Variants in PAM observed in about 807,000 individuals in gnomAD.
The protein encoded by PAM is peptidyl-glycine alpha-amidating monooxygenase.
PAM carries 72 observed loss-of-function variants against 122.1 expected under a neutral mutation model. That is an observed-to-expected ratio of 0.59 (90% confidence interval 0.49 to 0.72). PAM has a LOEUF of 0.72. Among genes scored for constraint, PAM ranks in the 30% least tolerant of loss-of-function variants. The pLI is 0.00. For missense variants in PAM, 1,106 were observed against 1,183.7 expected (o/e 0.93, Z 0.96); for synonymous variants, 389 against 404.4 (o/e 0.96, Z 0.46).
chr5:102,943,033 C>G (rs1490131419), intron 7 of PAM, among the ~76,000 whole-genome samples: 2 of 152,136 alleles, frequency 1.3e-5, no homozygotes, highest in Non-Finnish European at 2.9e-5. Flanking sequence ...CCTTCACCTT[C>G]ATAGAAGAGT....
intron 3 of PAM, among the ~76,000 whole-genome samples, chr5:102,893,229 C>G (rs566154247): frequency 1.1e-4 from 17 of 151,868 alleles, no homozygotes; most frequent in African/African-American, 4.1e-4. Context: ...CCTCTGTTTC[C>G]TTAATTGGTG....
At position 102,775,354 on chromosome 5, in the gene PAM, A is replaced by G. The variant is rs544258076; in HGVS notation, c.-374+20006A>G. Reference sequence around the variant, plus strand: ...ATTTTTTTAATTTAATTTAATTTTAAGTTCTGGGATACATGTGCAGGACGT... The same window carrying G: ...ATTTTTTTAATTTAATTTAATTTTAGGTTCTGGGATACATGTGCAGGACGT... On this transcript the variant is annotated intron_variant, in intron 1 of 25. Coordinates refer to ENST00000438793, the MANE Select transcript of PAM (RefSeq NM_001177306.2). 2.6e-5 allele frequency among the ~76,000 whole-genome samples: 4 copies of G among 151,770 alleles called. No homozygotes were observed. The South Asian group carries it at 8.3e-4, about 32-fold the overall frequency.
intron 1 of PAM, among the ~76,000 whole-genome samples, chr5:102,770,363 C>T (rs1277667892): frequency 1.3e-5 from 2 of 151,940 alleles, no homozygotes. Context: ...TTTATTTCTG[C>T]CTCTTGTCTG....
At chr5:102,852,721 C>T (rs1781630236) in intron 1 of PAM, among the ~76,000 whole-genome samples, 1 of 152,148 alleles carries the variant, frequency 6.6e-6, no homozygotes, top group Non-Finnish European at 1.5e-5. Context: ...TAAAACTCCA[C>T]TTCAAAGGAA....
intron 1 of PAM, among the ~76,000 whole-genome samples, chr5:102,778,563 G>A (rs1377000049): frequency 6.6e-6 from 1 of 152,088 alleles, no homozygotes; most frequent in Non-Finnish European, 1.5e-5. Context: ...TGAATCATGG[G>A]ACTGCTCAAG....
At chr5:102,907,794 C>T (rs1285648982) in intron 4 of PAM, among the ~76,000 whole-genome samples, 2 of 152,020 alleles carry the variant, frequency 1.3e-5, no homozygotes, top group African/African-American at 4.8e-5. Context: ...CTGTTCATGT[C>T]CTTTGCCCAT....
At chr5:102,778,852 G>A (rs115041182) in intron 1 of PAM, among the ~76,000 whole-genome samples, 61 of 152,252 alleles carry the variant, frequency 4.0e-4, no homozygotes, top group African/African-American at 1.4e-3. Context: ...ATACAGGTCA[G>A]GTTTACCCGT....
intron 1 of PAM, among the ~76,000 whole-genome samples, chr5:102,780,747 TTCTTTC>T (rs1362755023): frequency 6.6e-5 from 10 of 151,060 alleles, no homozygotes; most frequent in South Asian, 4.2e-4. Flanking sequence ...ACCTTTTTCT[TTCTTTC>T]TCTTTCTTTC....
At chr5:102,930,447 G>T (rs934764404) in intron 7 of PAM, among the ~76,000 whole-genome samples, 1 of 152,136 alleles carries the variant, frequency 6.6e-6, no homozygotes, top group African/African-American at 2.4e-5. Flanking sequence ...AGAGCAGGAG[G>T]GAAGACAGGT....
intron 1 of PAM, among the ~76,000 whole-genome samples, chr5:102,834,805 G>A (rs1273731950): frequency 6.6e-6 from 1 of 152,102 alleles, no homozygotes; most frequent in Non-Finnish European, 1.5e-5. Flanking sequence ...GGATAGGGGT[G>A]GAAAGGTAGG....
At chr5:102,829,123 G>A (rs1003872844) in intron 1 of PAM, among the ~76,000 whole-genome samples, 1 of 151,950 alleles carries the variant, frequency 6.6e-6, no homozygotes, top group Non-Finnish European at 1.5e-5. Context: ...ATATAAAGAT[G>A]CAGCCCTCTC....
At chr5:102,780,554 G>A (rs7718839) in intron 1 of PAM, among the ~76,000 whole-genome samples, 3,814 of 151,950 alleles carry the variant, frequency 0.025, 152 homozygotes, top group African/African-American at 0.086. Flanking sequence ...ATGTGGTGCC[G>A]TACTTCATTA....
intron 1 of PAM, among the ~76,000 whole-genome samples, chr5:102,818,024 CAAAAAAAAAAAAAA>C (rs753744226): frequency 9.0e-4 from 50 of 55,464 alleles, no homozygotes; most frequent in Non-Finnish European, 1.7e-3. Context: ...TTTTTTTTCT[CAAAAAAAAAAAAAA>C]AAAAAAAAAG....
In PAM at chr5:102,974,356, T is replaced by C. The variant is rs144310649; in HGVS notation, c.1403T>C (p.Leu468Ser). 3.0e-4 allele frequency: 489 copies of C among 1,613,950 alleles called. 2 individuals are homozygous for C. Among genetic ancestry groups the C allele is most frequent in the Middle Eastern group, 8.2e-4 (5 of 6,084 alleles). ...AAATTCCACAGACTAGTATCTACCT[T>C]GAGGCCACCAGAGAGCAGAGTTTTC... ...IHKFHRLVST[L>S]RPPESRVFSL... The change falls in exon 15 of 26, where the codon TTG (leucine) becomes TCG (serine). Residue 468 changes from leucine (L) to serine (S), a missense_variant. Transcript: ENST00000438793.
At chr5:102,897,030 A>G (rs553912412) in intron 3 of PAM, among the ~76,000 whole-genome samples, 6 of 151,774 alleles carry the variant, frequency 4.0e-5, no homozygotes, top group African/African-American at 1.4e-4. Context: ...TAGTTGGATC[A>G]CATAAAATAA....
At chr5:102,918,592 A>G (rs1445184288) in intron 5 of PAM, among the ~76,000 whole-genome samples, 1 of 152,146 alleles carries the variant, frequency 6.6e-6, no homozygotes, top group African/African-American at 2.4e-5. Flanking sequence ...GTATTCATCT[A>G]TTCTATGAAT....
chr5:102,990,301 C>A lies in PAM; in HGVS notation c.1513C>A (p.Pro505Thr). Residue 505 changes from proline to threonine, a missense_variant, in exon 16 of 26, where the codon CCT (proline) becomes ACT (threonine). Pro to Thr is a conservative substitution (Grantham distance 38). This residue lies in a region of PAM where 670 missense variants were observed against 690.3 expected (regional missense o/e 0.97). Transcript: ENST00000438793. Reference sequence around the variant, plus strand: ...CCACATGGAAGAGGCACTGGATTGGCCTGGAGTATACTTGTTACCAGGCCA... The same window carrying A: ...CCACATGGAAGAGGCACTGGATTGGACTGGAGTATACTTGTTACCAGGCCA... ...DFHMEEALDW[P>T]GVYLLPGQVS... 6.3e-7 allele frequency: 1 copy of A among 1,599,368 alleles called. No individual in the cohort carries two copies.
intron 1 of PAM, among the ~76,000 whole-genome samples, chr5:102,769,865 AT>A (rs1003115271): frequency 4.0e-5 from 6 of 151,584 alleles, no homozygotes; most frequent in Non-Finnish European, 2.9e-5. Context: ...AAATCTTAGG[AT>A]TTTTTTTCTC....
At chr5:102,771,766 G>A (rs1278489711) in intron 1 of PAM, among the ~76,000 whole-genome samples, 1 of 152,124 alleles carries the variant, frequency 6.6e-6, no homozygotes, top group East Asian at 1.9e-4. Flanking sequence ...GAAGTCCAGT[G>A]CCAAGTTGAA....
Sources: gnomAD v4.1 joint callset for allele counts (sites outside exome capture counted in the v4.1 genomes callset) on GRCh38, gnomAD v4.1.1 for gene constraint, gnomAD v4.1.1 regional missense constraint, MANE v1.5 for transcripts, NCBI Gene and HGNC (gene_info 2026-07-23, HGNC 2026-07-21) for gene names.